CSMD1: variants seen among roughly 807,000 people sequenced by gnomAD.
CSMD1 encodes the protein CUB and Sushi multiple domains 1.
In CSMD1, 213 loss-of-function variants were observed where a neutral mutation model predicts 417.5. That is an observed-to-expected ratio of 0.51 (90% CI 0.46 to 0.57). CSMD1 has a LOEUF of 0.57. Ranked by LOEUF, CSMD1 falls within the 20% of genes least tolerant of loss-of-function variation. The pLI is 0.00. For missense variants in CSMD1, 6,923 were observed against 4,529.7 expected, an observed-to-expected ratio of 1.53 and a Z score of -15.17; for synonymous variants, 2,862 against 1,736.8, an observed-to-expected ratio of 1.65 and a Z score of -16.11.
chr8:4,303,698 C>G (rs532101365), intron 3 of CSMD1, among the ~76,000 whole-genome samples: 1 of 151,938 alleles, frequency 6.6e-6, no homozygotes, highest in East Asian at 1.9e-4. Flanking sequence ...CTCTCTTGCC[C>G]AGACTGGAGC....
chr8:4,360,542 G>C (rs4875099), intron 3 of CSMD1, among the ~76,000 whole-genome samples: 2 of 151,876 alleles, frequency 1.3e-5, no homozygotes, highest in Admixed American at 6.5e-5. Context: ...CAGGCTGGAG[G>C]GCAGTGGCGC....
At chr8:4,260,178 G>A (rs1321625820) in intron 3 of CSMD1, among the ~76,000 whole-genome samples, 1 of 152,168 alleles carries the variant, frequency 6.6e-6, no homozygotes, top group African/African-American at 2.4e-5. Context: ...ATCCTTGCAA[G>A]TATTGATTAT....
chr8:4,144,337 T>C (rs1803980350), intron 3 of CSMD1, among the ~76,000 whole-genome samples: 1 of 151,118 alleles, frequency 6.6e-6, no homozygotes, highest in South Asian at 2.1e-4. Flanking sequence ...TCATTCTACT[T>C]CTCTTCTTTC....
Position 3,122,841 on chromosome 8 carries a change from C to G in CSMD1, c.6242-4254G>C, listed in dbSNP as rs547616968. Among the ~76,000 whole-genome samples the G allele has an allele frequency of 5.3e-5, 8 of 152,240 alleles. No individual in the cohort carries two copies. In the South Asian group the frequency reaches 1.7e-3, roughly 32 times the overall value. ...TCTTTATCAGCAGCGTGAAAATGGACTAATATAACAGTCCACCATACAGTA... is the reference window on the plus strand; with the variant it reads ...TCTTTATCAGCAGCGTGAAAATGGAGTAATATAACAGTCCACCATACAGTA... On this transcript the variant is annotated intron_variant, in intron 41 of 69. Coordinates refer to ENST00000635120, the MANE Select transcript of CSMD1 (RefSeq NM_033225.6).
chr8:4,198,007 T>A (rs1376721196), intron 3 of CSMD1, among the ~76,000 whole-genome samples: 1 of 152,224 alleles, frequency 6.6e-6, no homozygotes, highest in African/African-American at 2.4e-5. Context: ...CTATCTTTCC[T>A]TAAGAGTTGG....
intron 3 of CSMD1, among the ~76,000 whole-genome samples, chr8:4,286,615 C>G (rs1284226367): frequency 6.6e-6 from 1 of 152,094 alleles, no homozygotes; most frequent in African/African-American, 2.4e-5. Flanking sequence ...TTTGGGAACA[C>G]CACTTGACCT....
At chr8:4,157,308 C>A (rs1371299299) in intron 3 of CSMD1, among the ~76,000 whole-genome samples, 1 of 152,200 alleles carries the variant, frequency 6.6e-6, no homozygotes, top group Non-Finnish European at 1.5e-5. Context: ...TGGGTCACTG[C>A]ACCAGCAACT....
intron 12 of CSMD1, among the ~76,000 whole-genome samples, chr8:3,454,641 C>T (rs144351172): frequency 2.0e-5 from 3 of 152,142 alleles, no homozygotes; most frequent in Non-Finnish European, 4.4e-5. Flanking sequence ...AATATTGGCC[C>T]CCACTCTCTT....
intron 5 of CSMD1, among the ~76,000 whole-genome samples, chr8:3,852,018 G>A (rs1255907400): frequency 6.6e-6 from 1 of 152,144 alleles, no homozygotes; most frequent in Admixed American, 6.5e-5. Context: ...CACCGGTGAG[G>A]ACAAGTTCCC....
intron 2 of CSMD1, among the ~76,000 whole-genome samples, chr8:4,428,967 T>C (rs112252471): frequency 0.03 from 4,627 of 152,048 alleles, 103 homozygotes; most frequent in East Asian, 0.093. Context: ...ACCTGCCTCA[T>C]CCTCCCAAAG....
At chr8:3,476,630 G>A (rs10109967) in intron 11 of CSMD1, among the ~76,000 whole-genome samples, 91,702 of 151,646 alleles carry the variant, frequency 0.6, 28,465 homozygotes, top group Middle Eastern at 0.73. Flanking sequence ...GATAAATAAT[G>A]AATCAGCCAG....
chr8:4,000,255 T>C (rs1356327643), intron 4 of CSMD1, among the ~76,000 whole-genome samples: 1 of 151,846 alleles, frequency 6.6e-6, no homozygotes, highest in Non-Finnish European at 1.5e-5. Context: ...TGGACACCAC[T>C]GTGCAAGCAC....
chr8:4,507,462 C>T (rs879823693), intron 2 of CSMD1, among the ~76,000 whole-genome samples: 6 of 152,090 alleles, frequency 3.9e-5, no homozygotes, highest in Admixed American at 2.0e-4. Flanking sequence ...TTATCTCTGG[C>T]TATTGATTAC....
At chr8:4,119,771 C>A (rs576186368) in intron 3 of CSMD1, among the ~76,000 whole-genome samples, 2 of 152,164 alleles carry the variant, frequency 1.3e-5, no homozygotes, top group African/African-American at 4.8e-5. Flanking sequence ...CATTTTGCTA[C>A]AGCAGCCTGA....
At chr8:4,376,445 G>C (rs142183666) in intron 3 of CSMD1, among the ~76,000 whole-genome samples, 1 of 151,910 alleles carries the variant, frequency 6.6e-6, no homozygotes, top group African/African-American at 2.4e-5. Context: ...AATATTTTCG[G>C]CTTATTCTGT....
chr8:3,435,943 C>A (rs997563021), intron 12 of CSMD1, among the ~76,000 whole-genome samples: 19 of 152,300 alleles, frequency 1.2e-4, no homozygotes, highest in Admixed American at 6.5e-5. Flanking sequence ...TGCAATTAAC[C>A]AGATGCAATC....
chr8:3,168,097 A>G (rs190325796), intron 37 of CSMD1, among the ~76,000 whole-genome samples: 61 of 152,266 alleles, frequency 4.0e-4, no homozygotes, highest in African/African-American at 1.2e-3. Flanking sequence ...GCTCAAAACA[A>G]AAAAGTTGAT....
At chr8:3,634,853 C>T (rs1423054412) in intron 7 of CSMD1, among the ~76,000 whole-genome samples, 4 of 152,104 alleles carry the variant, frequency 2.6e-5, no homozygotes, top group Non-Finnish European at 4.4e-5. Flanking sequence ...TCACACAGTG[C>T]ACTGTGCACT....
intron 6 of CSMD1, among the ~76,000 whole-genome samples, chr8:3,750,574 G>C (rs1388044450): frequency 6.6e-6 from 1 of 151,964 alleles, no homozygotes; most frequent in South Asian, 2.1e-4. Context: ...ATTTAGTTCA[G>C]ATAAAAGGTA....
Sources: allele counts gnomAD v4.1 joint callset (sites outside exome capture counted in the v4.1 genomes callset), GRCh38; gene constraint gnomAD v4.1.1; transcripts MANE v1.5; gene names NCBI Gene and HGNC (gene_info 2026-07-23, HGNC 2026-07-21).